Variants in BPIFA1 observed in about 807,000 individuals in gnomAD.
The protein encoded by BPIFA1 is BPI fold containing family A member 1.
BPIFA1 carries 24 observed loss-of-function variants against 25.1 expected under a neutral mutation model. The ratio of observed to expected loss-of-function variants is 0.96; its 90% CI spans 0.69 to 1.35. The LOEUF (loss-of-function observed/expected upper bound fraction) is 1.35, where lower values mean the gene tolerates loss of function less well. BPIFA1 is among the 40% of genes most tolerant of loss of function. The pLI, the probability that BPIFA1 is intolerant of heterozygous loss-of-function variation, is 0.00. For synonymous variants in BPIFA1, 139 were observed against 131.8 expected (o/e 1.05, Z -0.37); for missense variants, 344 against 303.7 (o/e 1.13, Z -0.99).
intron 3 of BPIFA1, among the ~76,000 whole-genome samples, chr20:33,239,173 G>A (rs1415734613): frequency 1.3e-5 from 2 of 152,090 alleles, no homozygotes; most frequent in Non-Finnish European, 2.9e-5. Flanking sequence ...GTGTGATGAT[G>A]GATGGATGGT....
intron 1 of BPIFA1, 23 bp from the exon 2 acceptor site, chr20:33,237,674 T>C (rs1462015733): frequency 1.4e-6 from 2 of 1,409,894 alleles, no homozygotes; most frequent in Non-Finnish European, 1.9e-6. Flanking sequence ...CATGCCATGT[T>C]GGACTTGTCA....
At chr20:33,240,636 A>C (rs2146501071) in intron 5 of BPIFA1, among the ~76,000 whole-genome samples, 1 of 140,096 alleles carries the variant, frequency 7.1e-6, no homozygotes, top group South Asian at 2.4e-4. Context: ...AGATGGATGG[A>C]TAGATAGATG....
intron 2 of BPIFA1, 68 bp from the exon 3 acceptor site, chr20:33,237,987 G>A: frequency 3.9e-6 from 6 of 1,558,150 alleles, no homozygotes; most frequent in South Asian, 1.2e-5. Flanking sequence ...AGGGCTGGAT[G>A]GGGGAGGGGG....
intron 3 of BPIFA1, among the ~76,000 whole-genome samples, chr20:33,238,587 A>C (rs990423828): frequency 1.2e-4 from 18 of 152,194 alleles, no homozygotes; most frequent in African/African-American, 4.3e-4. Context: ...TCCTAACTCC[A>C]AAGCCAAGGC....
Position 33,237,793 on chromosome 20 carries a change from C to T in BPIFA1, c.82C>T (p.Leu28=), listed in dbSNP as rs752336724. 28 of 1,602,200 alleles carry T rather than the reference C, an allele frequency of 1.7e-5. No homozygotes were observed. Among genetic ancestry groups the T allele is most frequent in the Non-Finnish European group, 2.3e-5 (27 of 1,174,048 alleles). ...MAQFGGLPVP[L]DQTLPLNVNP... ...CCAGTTTGGAGGCCTGCCCGTGCCC[C>T]TGGACCAGACCCTGCCCTTGAATGT... The change falls in exon 2 of 9, where the codon CTG becomes TTG. Residue 28 remains leucine (L), a synonymous_variant. Coordinates refer to ENST00000354297, the MANE Select transcript of BPIFA1 (RefSeq NM_130852.3).
At chr20:33,242,230 T>A in intron 7 of BPIFA1, 111 bp downstream of exon 7, 1 of 1,191,774 alleles carries the variant, frequency 8.4e-7, no homozygotes, top group South Asian at 1.3e-5. Context: ...GCCTCAACTC[T>A]CTCTATTTTG....
At chr20:33,240,131 A>C in intron 4 of BPIFA1, 102 bp from the exon 5 acceptor site, 1 of 1,520,394 alleles carries the variant, frequency 6.6e-7, no homozygotes. Context: ...AACTGTGGGC[A>C]AGATGGAGTG....
intron 6 of BPIFA1, 98 bp from the exon 7 acceptor site, chr20:33,241,958 C>T: frequency 9.0e-7 from 1 of 1,111,876 alleles, no homozygotes; most frequent in Non-Finnish European, 1.4e-6. Context: ...CACTTTCACA[C>T]AGAAAAATGA....
At position 33,241,401 on chromosome 20, in the gene BPIFA1, A is replaced by C; in HGVS notation, c.598A>C (p.Ile200Leu). 6.2e-7 allele frequency: 1 copy of C among 1,613,940 alleles called. No homozygotes were observed. The highest frequency in any genetic ancestry group is 8.5e-7 in the Non-Finnish European group (1 of 1,179,906). Residue 200 changes from isoleucine to leucine, a missense_variant, in exon 6 of 9, where the codon ATT becomes CTT. Ile to Leu is a conservative substitution (Grantham distance 5, BLOSUM62 2). Transcript: ENST00000354297. ...CTCTTTCAGACTTGGCCCCCTCCCC[A>C]TTCAAGGTCTTCTGGACAGCCTCAC... is the stretch of plus-strand genomic sequence containing the variant. ...SLLDGLGPLP[I>L]QGLLDSLTGI...
Position 33,241,483 on chromosome 20 carries a change from G to T in BPIFA1, c.666+14G>T. 1 of 1,602,142 alleles carries T rather than the reference G, an allele frequency of 6.2e-7. No individual in the cohort carries two copies. Among genetic ancestry groups the T allele is most frequent in the African/African-American group, 1.3e-5 (1 of 74,770 alleles). ...GTTCAGGGCAACGTAAGTAGGCAAG[G>T]TGGGGATCCCCTGATCCTCAGGTTT... On this transcript the variant is annotated intron_variant, in intron 6 of 8. Coordinates refer to ENST00000354297, the MANE Select transcript of BPIFA1 (RefSeq NM_130852.3).
At chr20:33,239,061 CACCTGGCGCAGT>C (rs1242998916) in intron 3 of BPIFA1, among the ~76,000 whole-genome samples, 1 of 152,160 alleles carries the variant, frequency 6.6e-6, no homozygotes, top group East Asian at 1.9e-4. Context: ...AGGTGTAAAT[CACCTGGCGCAGT>C]GGCTGGCTCA....
intron 1 of BPIFA1, among the ~76,000 whole-genome samples, chr20:33,236,753 T>C (rs193096257): frequency 6.6e-6 from 1 of 152,284 alleles, no homozygotes; most frequent in African/African-American, 2.4e-5. Context: ...GTTTGTGTGT[T>C]GGGTGAGGGG....
At chr20:33,238,372 G>A (rs751743973) in intron 3 of BPIFA1, among the ~76,000 whole-genome samples, 158 bp downstream of exon 3, 1 of 152,158 alleles carries the variant, frequency 6.6e-6, no homozygotes. Flanking sequence ...TCTCCAGTTT[G>A]GCAGGGACAC....
intron 6 of BPIFA1, 42 bp downstream of exon 6, chr20:33,241,511 G>C: frequency 6.4e-7 from 1 of 1,554,104 alleles, no homozygotes; most frequent in Non-Finnish European, 8.9e-7. Flanking sequence ...TCAGGTTTTA[G>C]AGCTTCTTGC....
chr20:33,241,292 G>C (rs990825298), intron 5 of BPIFA1, 93 bp from the exon 6 acceptor site: 1 of 1,180,194 alleles, frequency 8.5e-7, no homozygotes, highest in Non-Finnish European at 1.3e-6. Context: ...TAGTGACTGA[G>C]TGTTGAGACT....
At chr20:33,242,203 G>T in intron 7 of BPIFA1, 84 bp downstream of exon 7, 10 of 1,353,058 alleles carry the variant, frequency 7.4e-6, no homozygotes, top group Non-Finnish European at 1.1e-5. Flanking sequence ...CACACCCTAG[G>T]ATACTAGGTC....
rs1978756895 is a variant in BPIFA1 at position 33,237,872 on chromosome 20, G to A, written c.160+1G>A. 6.4e-7 allele frequency: 1 copy of A among 1,569,924 alleles called. No homozygotes were observed. Among genetic ancestry groups the A allele is most frequent in the African/African-American group, 1.4e-5 (1 of 73,432 alleles). On this transcript the variant is annotated splice_donor_variant, in intron 2 of 8. Coordinates refer to ENST00000354297, the MANE Select transcript of BPIFA1 (RefSeq NM_130852.3). LOFTEE classifies it high-confidence loss of function. Reference sequence around the variant, plus strand: ...GGTCTTGCAGGAAGCTTGACAAATGGTGAGTTTTCAGGGGTGTATGTGTGC... The same window carrying A: ...GGTCTTGCAGGAAGCTTGACAAATGATGAGTTTTCAGGGGTGTATGTGTGC...
rs964973272 is a variant in BPIFA1, at chr20:33,238,055, C to T, written c.161C>T (p.Ala54Val). ...PTGLAGSLTNALSNGLLSGGL... is the reference protein window; with the variant it reads ...PTGLAGSLTNVLSNGLLSGGL... ...CAGAGACCCTTACACCCATTTCCAGCCCTCAGCAATGGCCTGCTGTCTGGG... is the reference window on the plus strand; with the variant it reads ...CAGAGACCCTTACACCCATTTCCAGTCCTCAGCAATGGCCTGCTGTCTGGG... Residue 54 changes from alanine (A) to valine (V), a missense_variant and splice_region_variant, in exon 3 of 9, where the codon GCC (alanine) becomes GTC (valine). By Grantham distance (64) the Ala-to-Val change is moderately conservative (BLOSUM62 0). Transcript: ENST00000354297. The T allele has an allele frequency of 6.2e-7, 1 of 1,612,414 alleles. No individual in the cohort carries two copies. Among genetic ancestry groups the T allele is most frequent in the South Asian group, 1.1e-5 (1 of 90,804 alleles).
At chr20:33,239,764 G>A in intron 3 of BPIFA1, 39 bp from the exon 4 acceptor site, 2 of 1,559,290 alleles carry the variant, frequency 1.3e-6, no homozygotes, top group South Asian at 1.1e-5. Flanking sequence ...GGAGCTAGAG[G>A]AGCTAATGTT....
Sources: allele counts gnomAD v4.1 joint callset (sites outside exome capture counted in the v4.1 genomes callset), GRCh38; gene constraint gnomAD v4.1.1; transcripts MANE v1.5; gene names NCBI Gene and HGNC (gene_info 2026-07-23, HGNC 2026-07-21).